The following DISP3 variants were observed in gnomAD, a reference collection of about 807,000 sequenced individuals.
DISP3 encodes the protein protein dispatched homolog 3.
A neutral mutation model predicts 135.3 loss-of-function variants in DISP3; 101 were observed. The observed-to-expected ratio is 0.75, with a 90% CI of 0.64 to 0.88. DISP3 has a LOEUF of 0.88. DISP3 is among the 40% of genes least tolerant of loss of function. DISP3 has a pLI of 0.00. For missense variants in DISP3, 1,713 were observed against 1,878.6 expected (o/e 0.91, Z 1.63); for synonymous variants, 856 against 817.0 (o/e 1.05, Z -0.81).
In DISP3 at chr1:11,491,844, C is replaced by A. The variant is rs564268271; in HGVS notation, c.-3-9146C>A. ...GCTGGCTAAGAAGTTAATAATTGGC[C>A]GGGCGCGGTGGCTCACGCCTGTAAT... On this transcript the variant is annotated intron_variant, in intron 1 of 20. Coordinates refer to ENST00000294484, the MANE Select transcript of DISP3 (RefSeq NM_020780.2). This position sits in a 1 kb window ranked among gnomAD's most constrained non-coding sequence, Gnocchi z 4.3. Among the ~76,000 whole-genome samples, 2 of 152,176 alleles carry A rather than the reference C, an allele frequency of 1.3e-5. No individual in the cohort carries two copies. Among genetic ancestry groups the A allele is most frequent in the African/African-American group, 4.8e-5 (2 of 41,516 alleles).
rs1415755603 is a variant in DISP3 at position 11,502,239 on chromosome 1, G to A, written c.1096+151G>A. ...ATGGCCGGAGGGCAAGGTGAAAAGG[G>A]CTGGGCTCAGGTGTGAGATGAGCGT... On this transcript the variant is annotated intron_variant, in intron 2 of 20. Transcript: ENST00000294484. 4.7e-6 allele frequency: 6 copies of A among 1,284,500 alleles called. No homozygotes were observed. The East Asian group carries it at 1.0e-4, about 22-fold the overall frequency. The allele number at this position is 1,284,500 out of a possible 1,614,324, so 79.6% of individuals were successfully genotyped here. A position where few individuals can be genotyped will look rare whatever the true frequency, so the allele number is the denominator to read the frequency against.
Position 11,526,713 on chromosome 1 carries a change from G to A in DISP3, c.2676G>A (p.Gly892=), listed in dbSNP as rs780331166. Residue 892 remains glycine (G), a synonymous_variant, in exon 13 of 21, where the codon GGG becomes GGA. Transcript: ENST00000294484. The stretch of plus-strand genomic sequence containing the variant: ...TGACCGCTTGTATGTCTACAGTAGG[G>A]CTGCTCCAGGCGGCGAGCCCCTCCC... ...KKLTACMSTV[G]LLQAASPSRK... The A allele has an allele frequency of 5.6e-6, 9 of 1,613,982 alleles. No individual in the cohort carries two copies. Among genetic ancestry groups the A allele is most frequent in the African/African-American group, 1.3e-5 (1 of 74,952 alleles).
intron 13 of DISP3, among the ~76,000 whole-genome samples, chr1:11,528,807 T>C (rs1317156468): frequency 6.6e-6 from 1 of 152,144 alleles, no homozygotes; most frequent in Non-Finnish European, 1.5e-5. Context: ...TGGAGACTGG[T>C]CTCTGACGGG....
chr1:11,485,172 C>T (rs1165875577), intron 1 of DISP3, among the ~76,000 whole-genome samples: 1 of 152,054 alleles, frequency 6.6e-6, no homozygotes, highest in African/African-American at 2.4e-5. Context: ...CTCAGCCAGG[C>T]CCCCCACCAC....
At chr1:11,526,409 C>G (rs1642420637) in intron 12 of DISP3, among the ~76,000 whole-genome samples, 1 of 152,236 alleles carries the variant, frequency 6.6e-6, no homozygotes. Flanking sequence ...TGGCATGGGA[C>G]AGACACTCAG....
intron 17 of DISP3, among the ~76,000 whole-genome samples, chr1:11,532,699 T>G (rs531985749): frequency 7.0e-4 from 107 of 152,174 alleles, no homozygotes; most frequent in Non-Finnish European, 6.5e-4. Flanking sequence ...TAACCGGTTT[T>G]TTTGTTTGTT....
At position 11,520,409 on chromosome 1, in the gene DISP3, A is replaced by G. The variant is rs1399964183; in HGVS notation, c.2201-278A>G. Among the ~76,000 whole-genome samples the G allele has an allele frequency of 6.6e-6, 1 of 152,134 alleles. No individual in the cohort carries two copies. Among genetic ancestry groups the G allele is most frequent in the Non-Finnish European group, 1.5e-5 (1 of 68,014 alleles). On this transcript the variant is annotated intron_variant, in intron 9 of 20. Transcript: ENST00000294484. The surrounding 1 kb of genome is among the most constrained non-coding windows in gnomAD (Gnocchi z 4.8). ...GTAGTGCACCAGCTCGTCATAAACT[A>G]TGAGGTGCTCTGAGGTGGTGGCCGC...
intron 1 of DISP3, among the ~76,000 whole-genome samples, chr1:11,490,921 C>CT (rs1411575601): frequency 6.6e-6 from 1 of 152,236 alleles, no homozygotes; most frequent in Non-Finnish European, 1.5e-5. Flanking sequence ...ACCTAGTCCC[C>CT]TTTTAAGGGG....
intron 17 of DISP3, among the ~76,000 whole-genome samples, chr1:11,532,363 C>T (rs545275855): frequency 2.6e-5 from 4 of 152,324 alleles, no homozygotes; most frequent in Admixed American, 1.3e-4. Flanking sequence ...GCAAGTTACT[C>T]GTCCCCTCTG....
Position 11,519,999 on chromosome 1 carries a change from C to T in DISP3, c.2200+119C>T. The T allele has an allele frequency of 1.0e-6, 1 of 987,206 alleles. No homozygotes were observed. The highest frequency in any genetic ancestry group is 1.5e-6 in the Non-Finnish European group (1 of 681,616). The allele number at this position is 987,206 out of a possible 1,614,324, so 61.2% of individuals were successfully genotyped here. On this transcript the variant is annotated intron_variant, in intron 9 of 20. Coordinates refer to ENST00000294484, the MANE Select transcript of DISP3 (RefSeq NM_020780.2). This position sits in a 1 kb window ranked among gnomAD's most constrained non-coding sequence, Gnocchi z 4.3. The stretch of plus-strand genomic sequence containing the variant: ...GGGTCAGAGGCCTGGGCTGGGGTCT[C>T]TCCCTCTCTGACCCCCCCTCTTTCC...
Position 11,531,819 on chromosome 1 carries a change from G to A in DISP3, c.3375+109G>A, listed in dbSNP as rs1642584115. On this transcript the variant is annotated intron_variant, in intron 17 of 20. Transcript: ENST00000294484. The surrounding 1 kb of genome is among the most constrained non-coding windows in gnomAD (Gnocchi z 5.2). ...CGGGGGGGAGATGCTGAGGCCCAGAGAGGTGGAGTGACTTGCCTGAGGTCA... is the reference window on the plus strand; with the variant it reads ...CGGGGGGGAGATGCTGAGGCCCAGAAAGGTGGAGTGACTTGCCTGAGGTCA... 1.4e-6 allele frequency: 2 copies of A among 1,434,414 alleles called. No individual in the cohort carries two copies. The highest frequency in any genetic ancestry group is 2.4e-5 in the East Asian group (1 of 40,992). 88.9% of individuals were successfully genotyped at this position (1,434,414 alleles called of 1,614,324 possible).
At chr1:11,479,476 G>C (rs1480747185) in intron 1 of DISP3, 104 bp downstream of exon 1, 1 of 152,346 alleles carries the variant, frequency 6.6e-6, no homozygotes, top group Non-Finnish European at 1.5e-5. Flanking sequence ...ACCCCGACCT[G>C]CTTGGCGCCG....
At chr1:11,527,144 A>C (rs1043935963) in intron 13 of DISP3, among the ~76,000 whole-genome samples, 1 of 152,132 alleles carries the variant, frequency 6.6e-6, no homozygotes, top group Non-Finnish European at 1.5e-5. Context: ...CATGTTGGCC[A>C]GGCTGGTCTT....
chr1:11,506,589 A>G (rs1641712442), intron 3 of DISP3, among the ~76,000 whole-genome samples: 1 of 152,198 alleles, frequency 6.6e-6, no homozygotes, highest in South Asian at 2.1e-4. Context: ...AATCTCTTAT[A>G]GATCTAAATC....
chr1:11,534,309 C>T, intron 17 of DISP3, 72 bp from the exon 18 acceptor site: 1 of 1,569,698 alleles, frequency 6.4e-7, no homozygotes, highest in Non-Finnish European at 8.8e-7. Context: ...GCAGAACAGA[C>T]CAGCCATGCC....
chr1:11,526,209 G>C (rs1315888182), intron 12 of DISP3, among the ~76,000 whole-genome samples: 4 of 152,210 alleles, frequency 2.6e-5, no homozygotes, highest in African/African-American at 9.7e-5. Context: ...GTGCGTGGCT[G>C]ACTCCTAGGT....
intron 1 of DISP3, among the ~76,000 whole-genome samples, chr1:11,498,445 G>A (rs985280509): frequency 2.0e-5 from 3 of 152,286 alleles, no homozygotes; most frequent in African/African-American, 7.2e-5. Flanking sequence ...GGACATTCTC[G>A]TAACACAGTG....
chr1:11,517,365 A>G, intron 6 of DISP3, 98 bp from the exon 7 acceptor site: 3 of 1,511,608 alleles, frequency 2.0e-6, no homozygotes, highest in South Asian at 2.4e-5. Context: ...TCTGGGCCAG[A>G]TCTGGGGTCC....
chr1:11,520,636 A>G lies in DISP3; in HGVS notation c.2201-51A>G. The stretch of plus-strand genomic sequence containing the variant: ...CCCGGCACTTTGGAGCCCCACTGGG[A>G]ACAGACCAGCTGGGCCCAGCCCCGC... On this transcript the variant is annotated intron_variant, in intron 9 of 20. Transcript: ENST00000294484. This position sits in a 1 kb window ranked among gnomAD's most constrained non-coding sequence, Gnocchi z 4.8. The G allele has an allele frequency of 6.3e-7, 1 of 1,586,030 alleles. No homozygotes were observed. Among genetic ancestry groups the G allele is most frequent in the Non-Finnish European group, 8.6e-7 (1 of 1,162,276 alleles).
Sources: allele counts gnomAD v4.1 joint callset (sites outside exome capture counted in the v4.1 genomes callset), GRCh38; gene constraint gnomAD v4.1.1; non-coding constraint Gnocchi (gnomAD v3.1); transcripts MANE v1.5; gene names NCBI Gene and HGNC (gene_info 2026-07-23, HGNC 2026-07-21).